Variants in SLC30A8 observed in about 807,000 individuals in gnomAD.
SLC30A8 encodes solute carrier family 30 member 8.
Under a neutral mutation model 36.9 loss-of-function variants are expected in SLC30A8, and 27 were observed. The ratio of observed to expected loss-of-function variants is 0.73; its 90% CI spans 0.54 to 1.01. SLC30A8 has a LOEUF of 1.01. SLC30A8 is among the 50% of genes least tolerant of loss of function. The pLI, the probability that SLC30A8 is intolerant of heterozygous loss-of-function variation, is 0.00. For synonymous variants in SLC30A8, 164 were observed against 172.4 expected, an observed-to-expected ratio of 0.95 and a Z score of 0.38; for missense variants, 439 against 452.0, an observed-to-expected ratio of 0.97 and a Z score of 0.26.
chr8:117,016,844 A>G (rs1816535234), intron 1 of SLC30A8, among the ~76,000 whole-genome samples: 1 of 152,234 alleles, frequency 6.6e-6, no homozygotes, highest in Admixed American at 6.5e-5. Context: ...CTCCATTGTT[A>G]TGATGATACT....
At chr8:117,076,562 G>A (rs546259592) in intron 2 of SLC30A8, among the ~76,000 whole-genome samples, 20 of 152,216 alleles carry the variant, frequency 1.3e-4, no homozygotes, top group African/African-American at 4.8e-4. Flanking sequence ...AAAGTGGAGT[G>A]GGAACTTCCA....
intron 2 of SLC30A8, among the ~76,000 whole-genome samples, chr8:117,089,609 A>T (rs1819023707): frequency 6.6e-6 from 1 of 152,164 alleles, no homozygotes. Context: ...GACAATCTGG[A>T]TTATGGCAAG....
chr8:117,060,511 A>G (rs1817997152), intron 2 of SLC30A8, among the ~76,000 whole-genome samples: 1 of 152,192 alleles, frequency 6.6e-6, no homozygotes, highest in Admixed American at 6.5e-5. Flanking sequence ...ATATAGATGC[A>G]GGAAACAAAG....
At chr8:117,004,591 C>T (rs1816113880) in intron 1 of SLC30A8, among the ~76,000 whole-genome samples, 1 of 152,054 alleles carries the variant, frequency 6.6e-6, no homozygotes, top group Non-Finnish European at 1.5e-5. Context: ...GCTCTGAAAG[C>T]AAGTCTACTT....
chr8:116,967,432 C>T (rs558523478), intron 1 of SLC30A8, among the ~76,000 whole-genome samples: 1 of 152,046 alleles, frequency 6.6e-6, no homozygotes, highest in South Asian at 2.1e-4. Context: ...TCCACGTTGC[C>T]CTGAAGATTG....
At chr8:116,969,235 T>C (rs1394835329) in intron 1 of SLC30A8, among the ~76,000 whole-genome samples, 1 of 152,024 alleles carries the variant, frequency 6.6e-6, no homozygotes, top group Non-Finnish European at 1.5e-5. Context: ...CCGGCCAACA[T>C]GGTGAAACCC....
chr8:116,987,365 A>G (rs1478499854), intron 1 of SLC30A8, among the ~76,000 whole-genome samples: 5 of 152,090 alleles, frequency 3.3e-5, no homozygotes, highest in Non-Finnish European at 7.4e-5. Flanking sequence ...TGGATGCAGC[A>G]CACCAACATG....
At chr8:117,075,385 C>G (rs1195803422) in intron 2 of SLC30A8, among the ~76,000 whole-genome samples, 1 of 152,128 alleles carries the variant, frequency 6.6e-6, no homozygotes, top group Admixed American at 6.6e-5. Flanking sequence ...CTGATTCTTT[C>G]TTTATCATTC....
chr8:117,129,033 T>A (rs894833724), intron 2 of SLC30A8, among the ~76,000 whole-genome samples: 4 of 152,010 alleles, frequency 2.6e-5, no homozygotes, highest in Non-Finnish European at 4.4e-5. Flanking sequence ...TGGATTCAGG[T>A]GTCAGGTGTG....
intron 2 of SLC30A8, among the ~76,000 whole-genome samples, chr8:117,121,117 G>A (rs1820677995): frequency 6.6e-6 from 1 of 151,696 alleles, no homozygotes; most frequent in Admixed American, 6.6e-5. Flanking sequence ...ATAGAACAAT[G>A]GGATCCAGCA....
At chr8:117,130,201 C>T (rs1452718375), upstream of SLC30A8, 1 of 151,946 alleles carries the variant, frequency 6.6e-6, no homozygotes, top group Non-Finnish European at 1.5e-5. Context: ...CAGCTGCTGT[C>T]CCTTGATGCA....
intron 2 of SLC30A8, among the ~76,000 whole-genome samples, chr8:117,089,495 C>G (rs1005749083): frequency 3.3e-5 from 5 of 152,124 alleles, no homozygotes; most frequent in Non-Finnish European, 7.4e-5. Context: ...ATCCCAATAC[C>G]CAGTCATCAG....
intron 2 of SLC30A8, among the ~76,000 whole-genome samples, chr8:117,078,525 G>A (rs1450401295): frequency 6.6e-6 from 1 of 151,646 alleles, no homozygotes; most frequent in East Asian, 1.9e-4. Context: ...CTACTTTCTA[G>A]ATTTTAAAAC....
At chr8:117,002,820 G>A (rs1027948249) in intron 1 of SLC30A8, among the ~76,000 whole-genome samples, 28 of 152,124 alleles carry the variant, frequency 1.8e-4, no homozygotes, top group African/African-American at 6.3e-4. Context: ...GGCCAGGATG[G>A]TCTCGATCTC....
chr8:117,093,927 A>G (rs555129972), intron 2 of SLC30A8, among the ~76,000 whole-genome samples: 16 of 152,314 alleles, frequency 1.1e-4, no homozygotes, highest in Admixed American at 2.0e-4. Flanking sequence ...AGGCACACCA[A>G]CTGGGGCAGG....
chr8:117,093,528 G>A (rs1819226272), intron 2 of SLC30A8, among the ~76,000 whole-genome samples: 1 of 151,866 alleles, frequency 6.6e-6, no homozygotes, highest in African/African-American at 2.4e-5. Context: ...ACTTATATTG[G>A]TTTATATCTT....
chr8:117,067,117 C>A (rs137889866), intron 2 of SLC30A8, among the ~76,000 whole-genome samples: 1 of 152,038 alleles, frequency 6.6e-6, no homozygotes, highest in Non-Finnish European at 1.5e-5. Context: ...ATAAAACCAT[C>A]GAATCTCTTG....
At chr8:117,026,161 TGTGCTTCA>T (rs1427104337) in intron 1 of SLC30A8, among the ~76,000 whole-genome samples, 23 of 152,164 alleles carry the variant, frequency 1.5e-4, no homozygotes, top group Non-Finnish European at 3.4e-4. Flanking sequence ...CTGACTTTGG[TGTGCTTCA>T]GTTATAATTA....
At position 117,147,268 on chromosome 8, in the gene SLC30A8, G is replaced by A. The variant is rs1821944064; in HGVS notation, c.271+115G>A. On this transcript the variant is annotated intron_variant, in intron 2 of 7. Coordinates refer to ENST00000456015, the MANE Select transcript of SLC30A8 (RefSeq NM_173851.3). ...ATTTAATATTTTCTGTAAGTATAAGGTAACAATATGCTCATTGTAGATAAG... is the reference window on the plus strand; with the variant it reads ...ATTTAATATTTTCTGTAAGTATAAGATAACAATATGCTCATTGTAGATAAG... 6.1e-6 allele frequency: 5 copies of A among 826,352 alleles called. No individual in the cohort carries two copies. In the South Asian group the frequency reaches 8.7e-5, roughly 14 times the overall value. The allele number at this position is 826,352 out of a possible 1,614,324, so 51.2% of individuals were successfully genotyped here. A position where few individuals can be genotyped will look rare whatever the true frequency, so the allele number is the denominator to read the frequency against.
Sources: allele counts gnomAD v4.1 joint callset (sites outside exome capture counted in the v4.1 genomes callset), GRCh38; gene constraint gnomAD v4.1.1; transcripts MANE v1.5; gene names NCBI Gene and HGNC (gene_info 2026-07-23, HGNC 2026-07-21).